The following MIDEAS variants were observed in gnomAD, a reference collection of about 807,000 sequenced individuals.
The protein encoded by MIDEAS is mitotic deacetylase-associated SANT domain protein.
Under a neutral mutation model 102.7 loss-of-function variants are expected in MIDEAS, and 26 were observed. The observed-to-expected ratio is 0.25, with a 90% CI of 0.19 to 0.35. The LOEUF (loss-of-function observed/expected upper bound fraction) is 0.35, where lower values mean the gene tolerates loss of function less well. Among genes scored for constraint, MIDEAS ranks in the 10% least tolerant of loss-of-function variants. The pLI is 1.00. For missense variants in MIDEAS, 1,231 were observed against 1,435.6 expected (o/e 0.86, Z 2.30); for synonymous variants, 585 against 591.0 (o/e 0.99, Z 0.15).
At chr14:73,747,109 A>T (rs2053362189) in intron 1 of MIDEAS, among the ~76,000 whole-genome samples, 1 of 152,158 alleles carries the variant, frequency 6.6e-6, no homozygotes, top group African/African-American at 2.4e-5. Flanking sequence ...TACCTCCTCC[A>T]GCTGGCCCTC....
intron 3 of MIDEAS, 57 bp from the exon 4 acceptor site, chr14:73,730,042 A>G (rs1201883350): frequency 6.5e-7 from 1 of 1,541,922 alleles, no homozygotes; most frequent in Non-Finnish European, 8.9e-7. Context: ...GAGAAAGTAA[A>G]GTCTTAACCA....
upstream of MIDEAS, among the ~76,000 whole-genome samples, chr14:73,788,473 G>A (rs2053839408): frequency 6.6e-6 from 1 of 152,186 alleles, no homozygotes; most frequent in Non-Finnish European, 1.5e-5. Context: ...CCAGGTCTGT[G>A]TTAATCTCTC....
intron 1 of MIDEAS, among the ~76,000 whole-genome samples, chr14:73,780,161 AC>A (rs1566612178): frequency 6.7e-6 from 1 of 148,896 alleles, no homozygotes; most frequent in Non-Finnish European, 1.5e-5. Context: ...GGCGTGAGCC[AC>A]CGCGCCCGGC....
chr14:73,742,663 G>A lies in MIDEAS; in HGVS notation c.-247-2408C>T, dbSNP rs1190033967. 6.6e-6 allele frequency among the ~76,000 whole-genome samples: 1 copy of A among 152,222 alleles called. No individual in the cohort carries two copies. On this transcript the variant is annotated intron_variant, in intron 1 of 12. Transcript: ENST00000423556. The surrounding 1 kb of genome is among the most constrained non-coding windows in gnomAD (Gnocchi z 4.4). The stretch of plus-strand genomic sequence containing the variant: ...TGCTTTGAAGAAATCAGGGGGCCTG[G>A]TTTGGGGAAGGCTGAATCACCCCAG...
intron 1 of MIDEAS, among the ~76,000 whole-genome samples, chr14:73,784,250 AACC>A (rs1421893499): frequency 6.6e-6 from 1 of 152,248 alleles, no homozygotes; most frequent in Non-Finnish European, 1.5e-5. Flanking sequence ...TTCAAGTTAA[AACC>A]ACCATTTAGG....
At position 73,739,382 on chromosome 14, in the gene MIDEAS, G is replaced by A; in HGVS notation, c.627C>T (p.Asn209=). Residue 209 remains asparagine, a synonymous_variant, in exon 2 of 13, where the codon AAC becomes AAT. Transcript: ENST00000423556. ...GGAAGGGTTGCAGGGGCAGTGACTG[G>A]TTTGGGGGTTTCTTGGCTGCGTGGA... ...NSFHAAKKPP[N]QSLPLQPFQL... 1.3e-6 allele frequency: 2 copies of A among 1,586,038 alleles called. No homozygotes were observed. Among genetic ancestry groups the A allele is most frequent in the Non-Finnish European group, 1.7e-6 (2 of 1,164,402 alleles).
chr14:73,755,622 ATC>A (rs1469491826), intron 1 of MIDEAS, among the ~76,000 whole-genome samples: 12 of 152,072 alleles, frequency 7.9e-5, no homozygotes, highest in Non-Finnish European at 2.9e-5. Context: ...GCACAATCTG[ATC>A]TCTGGGAAGC....
upstream of MIDEAS, chr14:73,789,188 G>C (rs938819134): frequency 1.3e-5 from 2 of 151,840 alleles, no homozygotes; most frequent in African/African-American, 4.8e-5. Context: ...CTGACAAATA[G>C]AATATGGCCA....
At chr14:73,743,226 T>C (rs2053305258) in intron 1 of MIDEAS, among the ~76,000 whole-genome samples, 1 of 152,246 alleles carries the variant, frequency 6.6e-6, no homozygotes. Context: ...GACACAGATA[T>C]CAGATATCCC....
Position 73,777,082 on chromosome 14 carries a change from A to G in MIDEAS, c.-248+10020T>C, listed in dbSNP as rs919269052. Among the ~76,000 whole-genome samples, 9 of 152,008 alleles carry G rather than the reference A, an allele frequency of 5.9e-5. 1 individual carries two copies. The East Asian group carries it at 1.8e-3, about 30-fold the overall frequency. On this transcript the variant is annotated intron_variant, in intron 1 of 11. Coordinates refer to the MIDEAS transcript ENST00000394071. ...AAGACTGTCTCAAAAAAAATAAATA[A>G]ATAAATAAATAAAAGTTCAGAACCA...
Position 73,738,649 on chromosome 14 carries a change from T to C in MIDEAS, c.1360A>G (p.Thr454Ala). Residue 454 changes from threonine to alanine, a missense_variant, in exon 2 of 13, where the codon ACG becomes GCG. Around this residue, in one of 5 missense-constraint regions of MIDEAS, gnomAD observed 758 missense variants for 856.0 expected, o/e 0.89. Transcript: ENST00000423556. ...QVLRGGVIQS[T>A]RRRRRASQEA... ...TGGGATGCCCGGCGCCTCCGTCGCGTGCTCTGGATCACTCCGCCCCGTAGC... is the reference window on the plus strand; with the variant it reads ...TGGGATGCCCGGCGCCTCCGTCGCGCGCTCTGGATCACTCCGCCCCGTAGC... 1 of 1,613,690 alleles carries C rather than the reference T, an allele frequency of 6.2e-7. No homozygotes were observed. The highest frequency in any genetic ancestry group is 8.5e-7 in the Non-Finnish European group (1 of 1,179,874).
chr14:73,753,678 A>G (rs1447467201), intron 1 of MIDEAS, among the ~76,000 whole-genome samples: 1 of 152,166 alleles, frequency 6.6e-6, no homozygotes, highest in East Asian at 1.9e-4. Flanking sequence ...GCTGGCTGAG[A>G]GCAAGGCTGG....
At chr14:73,748,436 T>TAGGAGAATTGCTTGAACCCA (rs2053380316) in intron 1 of MIDEAS, among the ~76,000 whole-genome samples, 1 of 151,598 alleles carries the variant, frequency 6.6e-6, no homozygotes. Context: ...GAGGCTGAGG[T>TAGGAGAATTGCTTGAACCCA]AGGAGAATTG....
chr14:73,779,568 T>TTA (rs201722397), intron 1 of MIDEAS, among the ~76,000 whole-genome samples: 18,327 of 80,796 alleles, frequency 0.23, 2,362 homozygotes, highest in East Asian at 0.72. Context: ...ATTATTATTA[T>TTA]TATTATTTTT....
chr14:73,730,568 C>T (rs769343398), intron 3 of MIDEAS, among the ~76,000 whole-genome samples: 2 of 152,186 alleles, frequency 1.3e-5, no homozygotes, highest in Non-Finnish European at 2.9e-5. Context: ...TTACCTGGTA[C>T]CTCAGTAAAT....
In MIDEAS at chr14:73,729,924, G is replaced by A. The variant is rs267604050; in HGVS notation, c.1811C>T (p.Pro604Leu). The A allele has an allele frequency of 2.5e-6, 4 of 1,608,382 alleles. No homozygotes were observed. In the African/African-American group the frequency reaches 5.3e-5, roughly 21 times the overall value. The change falls in exon 4 of 13, where the codon CCC becomes CTC. Residue 604 changes from proline (P) to leucine (L), a missense_variant. Around this residue, in one of 5 missense-constraint regions of MIDEAS, gnomAD observed 758 missense variants for 856.0 expected, o/e 0.89. Coordinates refer to ENST00000423556, the MANE Select transcript of MIDEAS (RefSeq NM_001367710.1). ...GGGGATGATGAGGGGCTCGGGCCTG[G>A]GCCGCTGCTTTGGTTTCCGCACGGA... Reference protein sequence around the residue: ...EPSVRKPKQRPRPEPLIIPTK... With the variant: ...EPSVRKPKQRLRPEPLIIPTK...
At chr14:73,727,332 T>C in intron 5 of MIDEAS, 126 bp downstream of exon 5, 1 of 996,354 alleles carries the variant, frequency 1.0e-6, no homozygotes, top group Non-Finnish European at 1.5e-6. Flanking sequence ...ATACAGAAGC[T>C]CAAGGAGGCC....
intron 1 of MIDEAS, among the ~76,000 whole-genome samples, chr14:73,748,629 T>C (rs1382979013): frequency 2.6e-5 from 4 of 151,370 alleles, no homozygotes; most frequent in African/African-American, 9.7e-5. Context: ...AGACAAAATA[T>C]GTGGTGGCAG....
At chr14:73,766,391 C>A (rs1305647557) in intron 1 of MIDEAS, among the ~76,000 whole-genome samples, 8 of 152,140 alleles carry the variant, frequency 5.3e-5, no homozygotes, top group Admixed American at 5.2e-4. Context: ...TTAAAGTAAG[C>A]AATACAATGT....
Sources: gnomAD v4.1 joint callset for allele counts (sites outside exome capture counted in the v4.1 genomes callset) on GRCh38, gnomAD v4.1.1 for gene constraint, gnomAD v4.1.1 regional missense constraint, Gnocchi (gnomAD v3.1) non-coding constraint, MANE v1.5 for transcripts, NCBI Gene and HGNC (gene_info 2026-07-23, HGNC 2026-07-21) for gene names.